The following CFAP96 variants were observed in gnomAD, a reference collection of about 807,000 sequenced individuals.
CFAP96 encodes cilia-and flagella-associated protein 96.
chr4:185,431,919 T>C, the CFAP96 span: 1 of 1,295,376 alleles, frequency 7.7e-7, no homozygotes, highest in Non-Finnish European at 1.1e-6. Context: ...TGTTATCTTA[T>C]TTTTCATGTC....
chr4:185,422,392 A>C, the CFAP96 span: 30 of 867,096 alleles, frequency 3.5e-5, no homozygotes, highest in Middle Eastern at 2.5e-4. Flanking sequence ...AGTTCATCCT[A>C]TCTCTCTCTC....
At chr4:185,444,282 G>T in the CFAP96 span, among the ~76,000 whole-genome samples, 1 of 152,192 alleles carries the variant, frequency 6.6e-6, no homozygotes, top group African/African-American at 2.4e-5. Flanking sequence ...AAATCTTCAT[G>T]TATATTTGGC....
At chr4:185,418,447 T>C in the CFAP96 span, 3 of 1,607,384 alleles carry the variant, frequency 1.9e-6, no homozygotes, top group Non-Finnish European at 8.5e-7. Flanking sequence ...TTACCATGTC[T>C]GATAACTTTT....
the CFAP96 span, among the ~76,000 whole-genome samples, chr4:185,425,057 A>G: frequency 1.3e-5 from 2 of 152,254 alleles, no homozygotes; most frequent in Non-Finnish European, 2.9e-5. Context: ...AGATGGATAG[A>G]TCTCAAGGCC....
At chr4:185,413,762 A>G in the CFAP96 span, 1 of 1,613,428 alleles carries the variant, frequency 6.2e-7, no homozygotes. Context: ...TAAGGTAAGT[A>G]TGTGGATTTC....
chr4:185,443,319 TG>T, the CFAP96 span, among the ~76,000 whole-genome samples: 2 of 40,028 alleles, frequency 5.0e-5, no homozygotes, highest in African/African-American at 1.2e-4. Flanking sequence ...TTATTTTTTA[TG>T]TATATATATA....
the CFAP96 span, among the ~76,000 whole-genome samples, chr4:185,418,231 A>T: frequency 6.6e-5 from 10 of 152,280 alleles, no homozygotes; most frequent in East Asian, 1.9e-3. Context: ...AAAGCATTAT[A>T]AAAAAACCCT....
the CFAP96 span, chr4:185,422,653 CATTA>C: frequency 1.9e-5 from 15 of 810,368 alleles, no homozygotes; most frequent in African/African-American, 1.2e-4. Flanking sequence ...AGTGTTAAGA[CATTA>C]ATTAACCTTG....
At chr4:185,443,339 TATA>T in the CFAP96 span, among the ~76,000 whole-genome samples, 122 of 36,232 alleles carry the variant, frequency 3.4e-3, no homozygotes, top group Non-Finnish European at 5.3e-3. Context: ...TATATATATA[TATA>T]TTTTTTTTTT....
At chr4:185,413,950 T>A in the CFAP96 span, 1 of 1,314,274 alleles carries the variant, frequency 7.6e-7, no homozygotes, top group Non-Finnish European at 1.0e-6. Flanking sequence ...AAGATGTTAT[T>A]AAACATGGAA....
the CFAP96 span, among the ~76,000 whole-genome samples, chr4:185,409,821 G>T: frequency 1.3e-5 from 2 of 152,186 alleles, no homozygotes; most frequent in East Asian, 3.8e-4. Context: ...AAAGAGAGGG[G>T]CATAGGAGGA....
the CFAP96 span, among the ~76,000 whole-genome samples, chr4:185,447,487 T>C: frequency 6.6e-6 from 1 of 152,164 alleles, no homozygotes; most frequent in Non-Finnish European, 1.5e-5. Context: ...GCCGATTTTA[T>C]ATTTTTTCAA....
chr4:185,413,528 T>C, the CFAP96 span, among the ~76,000 whole-genome samples: 1 of 152,362 alleles, frequency 6.6e-6, no homozygotes, highest in African/African-American at 2.4e-5. Context: ...ATAAATGTGG[T>C]ATATCTACCT....
chr4:185,415,243 A>G, the CFAP96 span: 1 of 1,604,430 alleles, frequency 6.2e-7, no homozygotes, highest in Non-Finnish European at 8.5e-7. Flanking sequence ...TAAAAAGTGC[A>G]GTGGTTCAGG....
chr4:185,422,708 G>C, the CFAP96 span: 16 of 661,398 alleles, frequency 2.4e-5, no homozygotes, highest in African/African-American at 2.6e-4. Flanking sequence ...TTGTTTTATA[G>C]AAAAAACAAA....
At chr4:185,429,442 G>A in the CFAP96 span, 2 of 1,537,760 alleles carry the variant, frequency 1.3e-6, no homozygotes, top group Non-Finnish European at 1.8e-6. Context: ...AACGGACATG[G>A]AAAGGATTGG....
the CFAP96 span, among the ~76,000 whole-genome samples, chr4:185,409,669 G>A: frequency 6.6e-6 from 1 of 152,134 alleles, no homozygotes. Context: ...CCTAATCCCT[G>A]GAACTTGTGA....
At chr4:185,433,640 A>G in the CFAP96 span, among the ~76,000 whole-genome samples, 1 of 152,180 alleles carries the variant, frequency 6.6e-6, no homozygotes, top group East Asian at 1.9e-4. Flanking sequence ...GGTGGCTCAC[A>G]CCTGTAATCC....
the CFAP96 span, among the ~76,000 whole-genome samples, chr4:185,427,199 A>AT: frequency 2.6e-5 from 4 of 152,204 alleles, no homozygotes; most frequent in Admixed American, 2.6e-4. Context: ...GAGAGGGAGG[A>AT]ACCTGTCTCA....
Sources: gnomAD v4.1 joint callset for allele counts (sites outside exome capture counted in the v4.1 genomes callset) on GRCh38, gnomAD v4.1.1 for gene constraint, MANE v1.5 for transcripts, NCBI Gene and HGNC (gene_info 2026-07-23, HGNC 2026-07-21) for gene names.